Variants in KCNJ3 observed in about 807,000 individuals in gnomAD.
KCNJ3 encodes the protein potassium inwardly rectifying channel subfamily J member 3, also known as G protein-activated inward rectifier potassium channel 1.
A neutral mutation model predicts 39.2 loss-of-function variants in KCNJ3; 4 were observed. The observed-to-expected ratio is 0.10, with a 90% CI of 0.05 to 0.23. KCNJ3 has a LOEUF of 0.23. KCNJ3 is among the 10% of genes least tolerant of loss of function. The pLI is 1.00. For missense variants in KCNJ3, 276 were observed against 634.9 expected (o/e 0.43, Z 6.08); for synonymous variants, 230 against 237.4 (o/e 0.97, Z 0.29).
intron 2 of KCNJ3, among the ~76,000 whole-genome samples, chr2:154,845,102 T>G (rs1687643821): frequency 6.6e-6 from 1 of 152,158 alleles, no homozygotes; most frequent in African/African-American, 2.4e-5. Context: ...AGCTAGAAAT[T>G]TATTCTATTT....
At chr2:154,826,345 T>G (rs1481350028) in intron 2 of KCNJ3, among the ~76,000 whole-genome samples, 1 of 152,238 alleles carries the variant, frequency 6.6e-6, no homozygotes, top group Admixed American at 6.5e-5. Flanking sequence ...TCTGAAATGT[T>G]AACCTTGGCA....
chr2:154,819,651 C>T (rs1687137338), intron 2 of KCNJ3, among the ~76,000 whole-genome samples: 1 of 151,928 alleles, frequency 6.6e-6, no homozygotes. Flanking sequence ...CTGCCTCAGC[C>T]TCCTGAGTAG....
intron 2 of KCNJ3, among the ~76,000 whole-genome samples, chr2:154,849,567 G>GAT (rs1380463123): frequency 2.0e-5 from 3 of 152,028 alleles, no homozygotes; most frequent in Admixed American, 2.0e-4. Flanking sequence ...AGAAGTTATT[G>GAT]ATTGTGTGAT....
intron 2 of KCNJ3, among the ~76,000 whole-genome samples, chr2:154,799,637 G>A (rs1029745527): frequency 6.6e-6 from 1 of 152,084 alleles, no homozygotes; most frequent in African/African-American, 2.4e-5. Context: ...TTAGCATACA[G>A]GTCCCTCTTC....
At chr2:154,829,101 G>T (rs1294990347) in intron 2 of KCNJ3, among the ~76,000 whole-genome samples, 1 of 152,080 alleles carries the variant, frequency 6.6e-6, no homozygotes, top group East Asian at 1.9e-4. Flanking sequence ...TATACTAAGG[G>T]ACTGAAACTC....
At position 154,699,624 on chromosome 2, in the gene KCNJ3, G is replaced by A; in HGVS notation, c.702+147G>A. On this transcript the variant is annotated intron_variant, in intron 1 of 2. Transcript: ENST00000295101. The surrounding 1 kb of genome is among the most constrained non-coding windows in gnomAD (Gnocchi z 6.4). ...CCTTTTGGGGGGTTGGGGGTTGGAG[G>A]ACTGGGCAAAGAATGCGGTTGACAG... is the stretch of plus-strand genomic sequence containing the variant. 5 of 1,215,252 alleles carry A rather than the reference G, an allele frequency of 4.1e-6. No homozygotes were observed. The highest frequency in any genetic ancestry group is 5.6e-6 in the Non-Finnish European group (5 of 896,904). The allele number at this position is 1,215,252 out of a possible 1,614,324, so 75.3% of individuals were successfully genotyped here.
intron 2 of KCNJ3, among the ~76,000 whole-genome samples, chr2:154,803,924 T>G (rs750373521): frequency 5.3e-5 from 8 of 152,024 alleles, no homozygotes; most frequent in Non-Finnish European, 1.0e-4. Flanking sequence ...AGGAAAAAAT[T>G]TAAAAGAGCA....
chr2:154,854,677 A>T, intron 2 of KCNJ3, 50 bp from the exon 3 acceptor site: 1 of 1,404,370 alleles, frequency 7.1e-7, no homozygotes, highest in East Asian at 2.3e-5. Flanking sequence ...CCGGCTTTAC[A>T]TGTGCTTCCA....
At chr2:154,738,248 G>C (rs926042284) in intron 2 of KCNJ3, among the ~76,000 whole-genome samples, 46 of 152,162 alleles carry the variant, frequency 3.0e-4, no homozygotes, top group African/African-American at 1.1e-3. Context: ...AGGAGATAGA[G>C]AGCAGAACGA....
At chr2:154,790,388 T>G (rs1686608423) in intron 2 of KCNJ3, among the ~76,000 whole-genome samples, 1 of 152,090 alleles carries the variant, frequency 6.6e-6, no homozygotes, top group Non-Finnish European at 1.5e-5. Flanking sequence ...CTAACGGTAT[T>G]GTTGCATAAA....
rs1558892967 is a variant in KCNJ3, at chr2:154,855,622, A to AT, written c.*309_*310insT. 2.6e-4 allele frequency: 41 copies of AT among 160,182 alleles called. No homozygotes were observed. The highest frequency in any genetic ancestry group is 5.0e-4 in the African/African-American group (20 of 39,874). The allele number at this position is 160,182 out of a possible 1,614,324, so 9.9% of individuals were successfully genotyped here. ...ATTTATATTGTATATTCTGGAAAAAAAATATATATATATATTTAAAGGGGA... is the reference window on the plus strand; with the variant it reads ...ATTTATATTGTATATTCTGGAAAAAATAATATATATATATATTTAAAGGGGA... On this transcript the variant is annotated 3_prime_UTR_variant, in exon 3 of 3. Coordinates refer to ENST00000295101, the MANE Select transcript of KCNJ3 (RefSeq NM_002239.4).
intron 2 of KCNJ3, among the ~76,000 whole-genome samples, chr2:154,803,256 G>C (rs1015927521): frequency 6.6e-6 from 1 of 151,880 alleles, no homozygotes; most frequent in Non-Finnish European, 1.5e-5. Context: ...TTAGCAAATA[G>C]TATTCATTTC....
At chr2:154,743,342 T>C (rs1293645099) in intron 2 of KCNJ3, among the ~76,000 whole-genome samples, 1 of 151,740 alleles carries the variant, frequency 6.6e-6, no homozygotes, top group African/African-American at 2.4e-5. Flanking sequence ...TCTCTTGAAA[T>C]TCCAAATGAA....
At chr2:154,737,946 A>G (rs1458022482) in intron 2 of KCNJ3, among the ~76,000 whole-genome samples, 1 of 152,162 alleles carries the variant, frequency 6.6e-6, no homozygotes, top group Non-Finnish European at 1.5e-5. Flanking sequence ...AAAAGAAAGA[A>G]AACTACATTA....
chr2:154,801,559 CT>C (rs1686818588), intron 2 of KCNJ3, among the ~76,000 whole-genome samples: 1 of 128,632 alleles, frequency 7.8e-6, no homozygotes, highest in Non-Finnish European at 1.7e-5. Flanking sequence ...CTTTTCTTTT[CT>C]TTCTTTCTTT....
chr2:154,764,760 G>A (rs1009668792), intron 2 of KCNJ3, among the ~76,000 whole-genome samples: 3 of 151,908 alleles, frequency 2.0e-5, no homozygotes, highest in East Asian at 4.0e-4. Flanking sequence ...GTATAAATTT[G>A]TGTTGGACCT....
intron 2 of KCNJ3, among the ~76,000 whole-genome samples, chr2:154,813,663 T>C (rs1258993080): frequency 6.6e-6 from 1 of 152,230 alleles, no homozygotes; most frequent in Non-Finnish European, 1.5e-5. Flanking sequence ...ATGTAAAATA[T>C]GTAATATAAA....
At chr2:154,748,801 C>T (rs1685790509) in intron 2 of KCNJ3, among the ~76,000 whole-genome samples, 1 of 151,988 alleles carries the variant, frequency 6.6e-6, no homozygotes, top group Non-Finnish European at 1.5e-5. Context: ...TACTAGAAAA[C>T]ACAAATCGTT....
chr2:154,702,679 G>A (rs187502397), intron 1 of KCNJ3, among the ~76,000 whole-genome samples: 142 of 151,908 alleles, frequency 9.3e-4, no homozygotes, highest in African/African-American at 3.1e-3. Flanking sequence ...GCCTGGAGGG[G>A]TCAGTCCTTT....
Sources: gnomAD v4.1 joint callset for allele counts (sites outside exome capture counted in the v4.1 genomes callset) on GRCh38, gnomAD v4.1.1 for gene constraint, Gnocchi (gnomAD v3.1) non-coding constraint, MANE v1.5 for transcripts, NCBI Gene and HGNC (gene_info 2026-07-23, HGNC 2026-07-21) for gene names.